CCDC171: variants seen among roughly 807,000 people sequenced by gnomAD.
The protein encoded by CCDC171 is coiled-coil domain containing 171.
In CCDC171, 177 loss-of-function variants were observed where a neutral mutation model predicts 168.2. The ratio of observed to expected loss-of-function variants is 1.05; its 90% CI spans 0.93 to 1.19. CCDC171 has a LOEUF of 1.19. Ranked by LOEUF, CCDC171 falls within the 50% of genes most tolerant of loss-of-function variation. The probability of loss-of-function intolerance (pLI) is 0.00; values close to 1 mark genes in which losing one functional copy is unlikely to be tolerated. For synonymous variants in CCDC171, 687 were observed against 540.8 expected (o/e 1.27, Z -3.75); for missense variants, 1,991 against 1,539.0 (o/e 1.29, Z -4.91).
intron 3 of CCDC171, among the ~76,000 whole-genome samples, chr9:16,002,720 C>A (rs183756431): frequency 3.1e-4 from 47 of 152,368 alleles, no homozygotes; most frequent in Admixed American, 2.7e-3. Context: ...TCACCACTGG[C>A]TTACTGATAG....
chr9:15,614,849 C>A (rs1280708998), intron 6 of CCDC171, among the ~76,000 whole-genome samples: 1 of 152,072 alleles, frequency 6.6e-6, no homozygotes, highest in Non-Finnish European at 1.5e-5. Flanking sequence ...ATAATCCTTC[C>A]CCCTTCCCCA....
chr9:15,740,966 TA>T (rs1366279037), intron 16 of CCDC171, among the ~76,000 whole-genome samples: 1 of 152,218 alleles, frequency 6.6e-6, no homozygotes, highest in Non-Finnish European at 1.5e-5. Context: ...CAACCATATT[TA>T]AAACTTTTCC....
chr9:16,078,227 GA>G, the CCDC171 span, among the ~76,000 whole-genome samples: 2 of 152,088 alleles, frequency 1.3e-5, no homozygotes, highest in African/African-American at 2.4e-5. Context: ...TAAAGCTGGG[GA>G]AAAAAATGAC....
At chr9:15,918,960 A>T (rs921437114) in intron 24 of CCDC171, among the ~76,000 whole-genome samples, 1 of 151,602 alleles carries the variant, frequency 6.6e-6, no homozygotes, top group African/African-American at 2.4e-5. Flanking sequence ...TCAAACAAGT[A>T]CTCACTATCC....
intron 3 of CCDC171, among the ~76,000 whole-genome samples, chr9:15,998,561 G>C (rs1244530769): frequency 6.6e-6 from 1 of 152,138 alleles, no homozygotes; most frequent in Non-Finnish European, 1.5e-5. Flanking sequence ...GGATAGCAGA[G>C]GATCAATATA....
In CCDC171 at chr9:15,662,763, G is replaced by C. The variant is rs549274269; in HGVS notation, c.916-3400G>C. 2.6e-3 allele frequency among the ~76,000 whole-genome samples: 389 copies of C among 152,118 alleles called. 1 individual carries two copies. The highest frequency in any genetic ancestry group is 4.3e-3 in the Non-Finnish European group (291 of 67,998). Reference sequence around the variant, plus strand: ...GGCTGAGGTGGGCAAATCATTGGAGGTCAGGAGTTCGGGACCAGCCTGGCC... The same window carrying C: ...GGCTGAGGTGGGCAAATCATTGGAGCTCAGGAGTTCGGGACCAGCCTGGCC... On this transcript the variant is annotated intron_variant, in intron 8 of 25. Coordinates refer to ENST00000380701, the MANE Select transcript of CCDC171 (RefSeq NM_173550.4).
chr9:15,907,151 A>C (rs550130387), intron 24 of CCDC171, among the ~76,000 whole-genome samples: 1 of 152,304 alleles, frequency 6.6e-6, no homozygotes, highest in South Asian at 2.1e-4. Context: ...AATTGGAAAA[A>C]ACCTACTTTA....
At position 15,723,749 on chromosome 9, in the gene CCDC171, A is replaced by G. The variant is rs1419878965; in HGVS notation, c.1491+3A>G. 1.5e-5 allele frequency: 21 copies of G among 1,363,984 alleles called. No homozygotes were observed. The highest frequency in any genetic ancestry group is 2.1e-5 in the Non-Finnish European group (20 of 971,842). 84.5% of individuals were successfully genotyped at this position (1,363,984 alleles called of 1,614,324 possible). Reference sequence around the variant, plus strand: ...ACTCTCACACTAAAAATATAAAGGTATTATTTAGAATAACTTTTACCTTTT... The same window carrying G: ...ACTCTCACACTAAAAATATAAAGGTGTTATTTAGAATAACTTTTACCTTTT... On this transcript the variant is annotated splice_donor_region_variant and intron_variant, in intron 13 of 25. Transcript: ENST00000380701.
chr9:15,585,950 TG>T (rs2041525042), intron 4 of CCDC171, among the ~76,000 whole-genome samples: 1 of 152,160 alleles, frequency 6.6e-6, no homozygotes, highest in South Asian at 2.1e-4. Flanking sequence ...CACTCTAGCC[TG>T]GATGACAGAG....
intron 6 of CCDC171, among the ~76,000 whole-genome samples, chr9:15,596,860 C>G (rs2042409901): frequency 6.6e-6 from 1 of 152,164 alleles, no homozygotes; most frequent in African/African-American, 2.4e-5. Context: ...AGGTTCTTCA[C>G]ATCCCTTGTA....
chr9:15,860,271 G>A lies in CCDC171; in HGVS notation c.3468+11324G>A, dbSNP rs1031901763. On this transcript the variant is annotated intron_variant, in intron 23 of 25. Coordinates refer to ENST00000380701, the MANE Select transcript of CCDC171 (RefSeq NM_173550.4). Reference sequence around the variant, plus strand: ...TTTTTCTGTTCTTTATTCTTTTCCTGTTCTAATCTTTATTATTTCCTTCCT... The same window carrying A: ...TTTTTCTGTTCTTTATTCTTTTCCTATTCTAATCTTTATTATTTCCTTCCT... Among the ~76,000 whole-genome samples the A allele has an allele frequency of 2.7e-5, 4 of 150,488 alleles. No homozygotes were observed. The East Asian group carries it at 7.9e-4, about 30-fold the overall frequency.
At chr9:15,889,331 A>G (rs867958310) in intron 24 of CCDC171, among the ~76,000 whole-genome samples, 7 of 152,202 alleles carry the variant, frequency 4.6e-5, no homozygotes, top group African/African-American at 1.7e-4. Context: ...TACTAGCATT[A>G]TAAAACAGGT....
intron 21 of CCDC171, among the ~76,000 whole-genome samples, chr9:15,825,031 T>C (rs2059954670): frequency 6.6e-6 from 1 of 152,134 alleles, no homozygotes; most frequent in South Asian, 2.1e-4. Context: ...TCTCCTGCTC[T>C]AACTCTCCCA....
chr9:15,673,230 A>C (rs2133291993), intron 9 of CCDC171, among the ~76,000 whole-genome samples: 1 of 152,334 alleles, frequency 6.6e-6, no homozygotes, highest in South Asian at 2.1e-4. Context: ...GAAGTAGCTT[A>C]TCAGTTTAAG....
chr9:16,039,277 G>A (rs1833532206), upstream of CCDC171, among the ~76,000 whole-genome samples: 1 of 152,156 alleles, frequency 6.6e-6, no homozygotes, highest in Non-Finnish European at 1.5e-5. Flanking sequence ...CCCTCATGTG[G>A]CTGAGGCCCC....
chr9:16,080,800 G>T, the CCDC171 span, among the ~76,000 whole-genome samples: 4 of 152,024 alleles, frequency 2.6e-5, no homozygotes, highest in Non-Finnish European at 4.4e-5. Context: ...CTTTTCCATG[G>T]TGGGTGACTT....
At chr9:15,610,805 C>T (rs547979417) in intron 6 of CCDC171, among the ~76,000 whole-genome samples, 5 of 152,106 alleles carry the variant, frequency 3.3e-5, no homozygotes, top group South Asian at 2.1e-4. Flanking sequence ...GTGGTCATCC[C>T]GCCTTGGCCT....
downstream of CCDC171, among the ~76,000 whole-genome samples, chr9:16,063,611 G>A (rs1833959847): frequency 6.6e-6 from 1 of 152,208 alleles, no homozygotes; most frequent in South Asian, 2.1e-4. Flanking sequence ...AAAACCAGGA[G>A]TGGTTTGAAT....
intron 25 of CCDC171, among the ~76,000 whole-genome samples, chr9:15,926,545 A>T (rs1411407809): frequency 6.6e-6 from 1 of 151,642 alleles, no homozygotes. Context: ...TCTCAAAACT[A>T]TTAACCAGCT....
Sources: allele counts gnomAD v4.1 joint callset (sites outside exome capture counted in the v4.1 genomes callset), GRCh38; gene constraint gnomAD v4.1.1; transcripts MANE v1.5; gene names NCBI Gene and HGNC (gene_info 2026-07-23, HGNC 2026-07-21).